Variants in CELSR1 observed in about 807,000 individuals in gnomAD.
CELSR1 encodes adhesion G protein-coupled receptor C1.
A neutral mutation model predicts 249.1 loss-of-function variants in CELSR1; 110 were observed. That is an observed-to-expected ratio of 0.44 (90% CI 0.38 to 0.52). The LOEUF is 0.52. CELSR1 is among the 20% of genes least tolerant of loss of function. CELSR1 has a pLI of 0.00. For missense variants in CELSR1, 4,109 were observed against 4,296.4 expected (o/e 0.96, Z 1.22); for synonymous variants, 2,113 against 1,900.0 (o/e 1.11, Z -2.92).
rs1461643665 is a variant in CELSR1, at chr22:46,472,258, G to A, written c.3545-7913C>T. 1.3e-5 allele frequency among the ~76,000 whole-genome samples: 2 copies of A among 152,204 alleles called. No homozygotes were observed. Among genetic ancestry groups the A allele is most frequent in the Non-Finnish European group, 2.9e-5 (2 of 68,042 alleles). On this transcript the variant is annotated intron_variant, in intron 1 of 34. Transcript: ENST00000674500. This position sits in a 1 kb window ranked among gnomAD's most constrained non-coding sequence, Gnocchi z 7.0. Reference sequence around the variant, plus strand: ...AGGAACTTTCTGGGTCTTCATGGAGGTTGGGACCTGTCCAGTCCCCGACTT... The same window carrying A: ...AGGAACTTTCTGGGTCTTCATGGAGATTGGGACCTGTCCAGTCCCCGACTT...
chr22:46,430,156 G>C lies in CELSR1; in HGVS notation c.4611+3237C>G, dbSNP rs1292474241. On this transcript the variant is annotated intron_variant, in intron 5 of 34. Coordinates refer to ENST00000674500, the MANE Select transcript of CELSR1 (RefSeq NM_001378328.1). The surrounding 1 kb of genome is among the most constrained non-coding windows in gnomAD (Gnocchi z 4.6). Reference sequence around the variant, plus strand: ...TAAAATGCAGGTGGCCCACACCTCAGAGACACAGCCACTCTGGAGGGCGGG... The same window carrying C: ...TAAAATGCAGGTGGCCCACACCTCACAGACACAGCCACTCTGGAGGGCGGG... Among the ~76,000 whole-genome samples, 1 of 152,216 alleles carries C rather than the reference G, an allele frequency of 6.6e-6. No individual in the cohort carries two copies. Among genetic ancestry groups the C allele is most frequent in the Non-Finnish European group, 1.5e-5 (1 of 68,030 alleles).
chr22:46,516,854 C>T (rs1023476264), intron 1 of CELSR1, among the ~76,000 whole-genome samples: 19 of 152,214 alleles, frequency 1.2e-4, no homozygotes, highest in Non-Finnish European at 2.4e-4. Context: ...GGAAGGCAGG[C>T]GGCCGAGGGC....
chr22:46,443,853 G>T (rs1373919788), intron 2 of CELSR1, among the ~76,000 whole-genome samples: 1 of 152,194 alleles, frequency 6.6e-6, no homozygotes, highest in Admixed American at 6.5e-5. Flanking sequence ...CTCCTCCTTT[G>T]GACACTTCAA....
intron 5 of CELSR1, among the ~76,000 whole-genome samples, chr22:46,424,445 A>C (rs1262852061): frequency 6.6e-6 from 1 of 152,170 alleles, no homozygotes; most frequent in Admixed American, 6.5e-5. Flanking sequence ...TTGTAAAACA[A>C]TAATACAGAG....
In CELSR1 at chr22:46,367,751, A is replaced by C; in HGVS notation, c.8057T>G (p.Phe2686Cys). The C allele has an allele frequency of 6.2e-7, 1 of 1,605,798 alleles. No homozygotes were observed. Among genetic ancestry groups the C allele is most frequent in the Non-Finnish European group, 8.5e-7 (1 of 1,177,270 alleles). ...NRDALSFHYL[F>C]AIFSGLQGPF... ...TACCTGTAAGCCGCTGAAGATGGCG[A>C]AGAGGTAGTGAAAGCTCAGTGCATC... The change falls in exon 28 of 35, where the codon TTC (phenylalanine) becomes TGC (cysteine). Residue 2686 changes from phenylalanine (F) to cysteine (C), a missense_variant. Physicochemically the swap from Phe to Cys is radical, Grantham distance 205. Coordinates refer to ENST00000674500, the MANE Select transcript of CELSR1 (RefSeq NM_001378328.1).
Position 46,498,078 on chromosome 22 carries a change from G to A in CELSR1, c.3545-33733C>T, listed in dbSNP as rs374395803. Among the ~76,000 whole-genome samples, 103 of 148,060 alleles carry A rather than the reference G, an allele frequency of 7.0e-4. 1 individual carries two copies. Among genetic ancestry groups the A allele is most frequent in the East Asian group, 2.0e-4 (1 of 4,956 alleles). ...AGCCTGACCAACATGGAGAAACCCC[G>A]TCTCTAATAAAAATACAAAATTAGC... On this transcript the variant is annotated intron_variant, in intron 1 of 34. Transcript: ENST00000674500.
chr22:46,535,269 G>T lies in CELSR1; in HGVS notation c.1902C>A (p.Asn634Lys). The T allele has an allele frequency of 6.2e-7, 1 of 1,610,606 alleles. No individual in the cohort carries two copies. The highest frequency in any genetic ancestry group is 8.5e-7 in the Non-Finnish European group (1 of 1,180,004). ...PTPDFPFQIHNSSGWITVCAE... is the reference protein window; with the variant it reads ...PTPDFPFQIHKSSGWITVCAE... ...CACACACTGTGATCCAACCGGAGCT[G>T]TTGTGGATCTGGAAGGGGAAGTCAG... Residue 634 changes from asparagine to lysine, a missense_variant, in exon 1 of 35, where the codon AAC (asparagine) becomes AAA (lysine). Physicochemically the swap from Asn to Lys is moderately conservative, Grantham distance 94. Transcript: ENST00000674500.
chr22:46,526,798 T>C lies in CELSR1; in HGVS notation c.3544+6829A>G, dbSNP rs1405461413. ...TCCTAACTGCCAGCACCCTCACTTC[T>C]GTGTCCATAACCTGAGCTGGTCTCC... On this transcript the variant is annotated intron_variant, in intron 1 of 34. Transcript: ENST00000674500. This position sits in a 1 kb window ranked among gnomAD's most constrained non-coding sequence, Gnocchi z 4.7. Among the ~76,000 whole-genome samples, 1 of 152,204 alleles carries C rather than the reference T, an allele frequency of 6.6e-6. No homozygotes were observed. The highest frequency in any genetic ancestry group is 1.9e-4 in the East Asian group (1 of 5,186).
chr22:46,482,811 G>A (rs2080279168), intron 1 of CELSR1, among the ~76,000 whole-genome samples: 1 of 152,174 alleles, frequency 6.6e-6, no homozygotes. Context: ...AATAGCCAAG[G>A]CATCCCTGGA....
At chr22:46,530,053 T>C (rs1914628513) in intron 1 of CELSR1, among the ~76,000 whole-genome samples, 1 of 152,062 alleles carries the variant, frequency 6.6e-6, no homozygotes, top group Non-Finnish European at 1.5e-5. Flanking sequence ...CTCATGCCTA[T>C]AATTTCAGCA....
chr22:46,428,922 G>T lies in CELSR1; in HGVS notation c.4611+4471C>A, dbSNP rs1447472485. 6.6e-6 allele frequency among the ~76,000 whole-genome samples: 1 copy of T among 152,146 alleles called. No individual in the cohort carries two copies. The highest frequency in any genetic ancestry group is 2.4e-5 in the African/African-American group (1 of 41,434). On this transcript the variant is annotated intron_variant, in intron 5 of 34. Coordinates refer to ENST00000674500, the MANE Select transcript of CELSR1 (RefSeq NM_001378328.1). This position sits in a 1 kb window ranked among gnomAD's most constrained non-coding sequence, Gnocchi z 5.7. ...TCCAGGCTCTGGGCAGGCTCAGCTG[G>T]CTTTAGAAGATGCCCAGGTCAGGTG...
In CELSR1 at chr22:46,398,435, T is replaced by C; in HGVS notation, c.5526+89A>G. On this transcript the variant is annotated intron_variant, in intron 11 of 34. Coordinates refer to ENST00000674500, the MANE Select transcript of CELSR1 (RefSeq NM_001378328.1). The surrounding 1 kb of genome is among the most constrained non-coding windows in gnomAD (Gnocchi z 7.2). ...TCTTCACTCGTTGAAAGCTAACAGG[T>C]TGACCAACGGAACCACCTATGGTGC... 1.2e-6 allele frequency: 1 copy of C among 848,764 alleles called. No individual in the cohort carries two copies. Among genetic ancestry groups the C allele is most frequent in the Non-Finnish European group, 1.8e-6 (1 of 543,870 alleles). 52.6% of individuals were successfully genotyped at this position (848,764 alleles called of 1,614,324 possible). A position where few individuals can be genotyped will look rare whatever the true frequency, so the allele number is the denominator to read the frequency against.
chr22:46,508,335 T>C (rs1353754548), intron 1 of CELSR1, among the ~76,000 whole-genome samples: 1 of 20,842 alleles, frequency 4.8e-5, no homozygotes. Context: ...GTGAGGGTGA[T>C]GGGGGTGGAG....
intron 24 of CELSR1, among the ~76,000 whole-genome samples, chr22:46,376,557 T>A (rs540700568): frequency 6.6e-6 from 1 of 152,128 alleles, no homozygotes; most frequent in African/African-American, 2.4e-5. Context: ...GTATTTTTAG[T>A]AGAGATTGGG....
In CELSR1 at chr22:46,372,969, C is replaced by T. The variant is rs1028570974; in HGVS notation, c.7673G>A (p.Arg2558His). 1.2e-5 allele frequency: 19 copies of T among 1,613,314 alleles called. No homozygotes were observed. The East Asian group carries it at 1.8e-4, about 15-fold the overall frequency. The change falls in exon 25 of 35, where the codon CGC (arginine) becomes CAC (histidine). Residue 2558 changes from arginine (R) to histidine (H), a missense_variant. Arg to His is a conservative substitution (Grantham distance 29). Transcript: ENST00000674500. ...WTLVESLHVY[R>H]MLTEVRNIDT... ...GATGTTGCGCACCTCGGTCAGCATG[C>T]GGTAGACATGCAGGCTCTCCACGAG...
At position 46,534,461 on chromosome 22, in the gene CELSR1, C is replaced by T. The variant is rs1425041796; in HGVS notation, c.2710G>A (p.Asp904Asn). 5.6e-6 allele frequency: 9 copies of T among 1,613,050 alleles called. No individual in the cohort carries two copies. Among genetic ancestry groups the T allele is most frequent in the Middle Eastern group, 3.3e-4 (2 of 6,062 alleles). Residue 904 changes from aspartate (D) to asparagine (N), a missense_variant, in exon 1 of 35, where the codon GAT becomes AAT. Physicochemically the swap from Asp to Asn is conservative, Grantham distance 23. This residue lies in a region of CELSR1 where 886 missense variants were observed against 896.5 expected (regional missense o/e 0.99). Coordinates refer to ENST00000674500, the MANE Select transcript of CELSR1 (RefSeq NM_001378328.1). The surrounding 1 kb of genome is among the most constrained non-coding windows in gnomAD (Gnocchi z 9.7). ...WDFYQGSIFE[D>N]APPSTSILQV... ...AGGATGCTGGTCGAGGGTGGAGCAT[C>T]CTCAAAGATGGAACCCTGGTAGAAA...
intron 1 of CELSR1, among the ~76,000 whole-genome samples, chr22:46,493,842 C>T (rs2080390311): frequency 6.6e-6 from 1 of 152,136 alleles, no homozygotes; most frequent in South Asian, 2.1e-4. Flanking sequence ...ATTGTGAGGC[C>T]TCCCCAGCCA....
chr22:46,382,221 C>T lies in CELSR1; in HGVS notation c.6884-171G>A, dbSNP rs149454894. ...CTTATCACATGACCCTGCAAGCCCA[C>T]TTCTGGGTATACACCCCAAGGAACT... On this transcript the variant is annotated intron_variant, in intron 20 of 34. Coordinates refer to ENST00000674500, the MANE Select transcript of CELSR1 (RefSeq NM_001378328.1). Among the ~76,000 whole-genome samples, 301 of 152,356 alleles carry T rather than the reference C, an allele frequency of 2.0e-3. 1 individual carries two copies. The highest frequency in any genetic ancestry group is 6.9e-3 in the African/African-American group (287 of 41,592).
intron 31 of CELSR1, 67 bp downstream of exon 31, chr22:46,365,519 T>C: frequency 6.5e-7 from 1 of 1,541,084 alleles, no homozygotes; most frequent in East Asian, 2.4e-5. Context: ...AGGGGCAGTC[T>C]GTCCAGTGAC....
Sources: gnomAD v4.1 joint callset for allele counts (sites outside exome capture counted in the v4.1 genomes callset) on GRCh38, gnomAD v4.1.1 for gene constraint, gnomAD v4.1.1 regional missense constraint, Gnocchi (gnomAD v3.1) non-coding constraint, MANE v1.5 for transcripts, NCBI Gene and HGNC (gene_info 2026-07-23, HGNC 2026-07-21) for gene names.